The following RREB1 variants were observed in gnomAD, a reference collection of about 807,000 sequenced individuals.
RREB1 encodes ras responsive element binding protein 1.
Under a neutral mutation model 117.8 loss-of-function variants are expected in RREB1, and 27 were observed. That is an observed-to-expected ratio of 0.23 (90% CI 0.17 to 0.32). The LOEUF (loss-of-function observed/expected upper bound fraction) is 0.32. RREB1 is among the 10% of genes least tolerant of loss of function. RREB1 has a pLI of 1.00. For synonymous variants in RREB1, 1,298 were observed against 1,026.7 expected, an observed-to-expected ratio of 1.26 and a Z score of -5.05; for missense variants, 2,577 against 2,378.2, an observed-to-expected ratio of 1.08 and a Z score of -1.74.
intron 8 of RREB1, chr6:7,213,480 C>T (rs1011463392): frequency 2.0e-5 from 3 of 152,222 alleles, no homozygotes; most frequent in Admixed American, 1.3e-4. Context: ...AAGCCTGCCT[C>T]TTAACAGTTG....
chr6:7,127,163 C>A (rs1480702137), intron 1 of RREB1, among the ~76,000 whole-genome samples: 4 of 151,370 alleles, frequency 2.6e-5, no homozygotes, highest in African/African-American at 9.7e-5. Flanking sequence ...AAGTGTTGGC[C>A]CTGGAAAAAT....
At position 7,181,264 on chromosome 6, in the gene RREB1, G is replaced by A. The variant is rs1764779196; in HGVS notation, c.-43+18G>A. ...AAATGGAGGTAATCAGCAGTGTGGC[G>A]GGAGGGTTCTTCTTTCCCTCCTAGG... On this transcript the variant is annotated intron_variant, in intron 3 of 12. Transcript: ENST00000379938. The A allele has an allele frequency of 7.5e-6, 3 of 398,830 alleles. No homozygotes were observed. Among genetic ancestry groups the A allele is most frequent in the Admixed American group, 4.4e-5 (1 of 22,718 alleles). The allele number at this position is 398,830 out of a possible 1,614,324, so 24.7% of individuals were successfully genotyped here.
In RREB1 at chr6:7,110,400, C is replaced by T. The variant is rs148926506; in HGVS notation, c.-285+2340C>T. On this transcript the variant is annotated intron_variant, in intron 1 of 12. Transcript: ENST00000379938. ...TGAGTTTTGTGCTATCTTCAAGAGT[C>T]CACAGAACTTCTGAAGGAATGGGTT... 2.6e-3 allele frequency among the ~76,000 whole-genome samples: 403 copies of T among 152,216 alleles called. 2 individuals are homozygous for T. The highest frequency in any genetic ancestry group is 9.2e-3 in the African/African-American group (383 of 41,544).
intron 8 of RREB1, chr6:7,216,400 A>G (rs1041401816): frequency 6.6e-6 from 1 of 152,178 alleles, no homozygotes; most frequent in Admixed American, 6.5e-5. Flanking sequence ...GACCCTGGTC[A>G]TCTCTGAGTT....
chr6:7,246,674 G>A lies in RREB1; in HGVS notation c.4224G>A (p.Glu1408=). The A allele has an allele frequency of 1.3e-6, 2 of 1,581,986 alleles. No individual in the cohort carries two copies. The highest frequency in any genetic ancestry group is 1.7e-6 in the Non-Finnish European group (2 of 1,164,282). ...ESTGDADGAE[E]DASSNQSLDL... ...CTGGGGACGCCGACGGCGCGGAAGA[G>A]GACGCGTCGAGCAACCAGAGCCTGG... Residue 1408 remains glutamate (E), a synonymous_variant, in exon 12 of 13, where the codon GAG becomes GAA. Transcript: ENST00000379938.
chr6:7,168,462 G>T (rs1764065030), intron 1 of RREB1, among the ~76,000 whole-genome samples: 1 of 152,062 alleles, frequency 6.6e-6, no homozygotes, highest in Non-Finnish European at 1.5e-5. Flanking sequence ...GCCGGACTGG[G>T]GTTTTTTGTT....
In RREB1 at chr6:7,191,561, A is replaced by AT. The variant is rs556279470; in HGVS notation, c.425+2242dup. 3.9e-5 allele frequency among the ~76,000 whole-genome samples: 6 copies of AT among 152,284 alleles called. No homozygotes were observed. In the East Asian group the frequency reaches 1.2e-3, roughly 29 times the overall value. On this transcript the variant is annotated intron_variant, in intron 6 of 12. Transcript: ENST00000379938. ...TGCCAAACTGTTGTTAAAACTTTCAATTTGGGGGTATTGCCATCATAACAA... is the reference window on the plus strand; with the variant it reads ...TGCCAAACTGTTGTTAAAACTTTCAATTTTGGGGGTATTGCCATCATAACAA...
At chr6:7,167,485 C>A (rs13220393) in intron 1 of RREB1, among the ~76,000 whole-genome samples, 10 of 151,948 alleles carry the variant, frequency 6.6e-5, no homozygotes, top group Admixed American at 3.9e-4. Flanking sequence ...TCCTGAGTAG[C>A]TGGGATTACA....
chr6:7,197,779 A>G (rs1765744327), intron 6 of RREB1, among the ~76,000 whole-genome samples: 1 of 152,148 alleles, frequency 6.6e-6, no homozygotes, highest in Non-Finnish European at 1.5e-5. Flanking sequence ...CAAGTATGGG[A>G]GACATAGGCC....
chr6:7,149,029 TCTC>T (rs1349269136), intron 1 of RREB1, among the ~76,000 whole-genome samples: 1 of 152,132 alleles, frequency 6.6e-6, no homozygotes, highest in Non-Finnish European at 1.5e-5. Context: ...TTCAAGCAAT[TCTC>T]CTGTCTCAGC....
At chr6:7,185,828 G>A (rs565448378) in intron 4 of RREB1, among the ~76,000 whole-genome samples, 1 of 152,300 alleles carries the variant, frequency 6.6e-6, no homozygotes, top group South Asian at 2.1e-4. Context: ...AGTGGCTTAG[G>A]GCATGGGCTG....
intron 10 of RREB1, among the ~76,000 whole-genome samples, chr6:7,234,941 C>T (rs1413919137): frequency 1.3e-5 from 2 of 152,216 alleles, no homozygotes; most frequent in African/African-American, 2.4e-5. Context: ...CCTTCCATGT[C>T]TCCCTGTGTT....
intron 4 of RREB1, among the ~76,000 whole-genome samples, chr6:7,182,589 A>G (rs1731286551): frequency 6.6e-6 from 1 of 151,982 alleles, no homozygotes; most frequent in African/African-American, 2.4e-5. Flanking sequence ...AGAACAGGGT[A>G]AAGTAAATAG....
intron 1 of RREB1, among the ~76,000 whole-genome samples, chr6:7,175,077 T>C (rs1177436361): frequency 1.3e-5 from 2 of 152,168 alleles, no homozygotes; most frequent in African/African-American, 4.8e-5. Context: ...CTAATGAAAT[T>C]TGTTATTAAT....
rs368011842 is a variant in RREB1, at chr6:7,230,229, C to T, written c.2130C>T (p.Val710=). The T allele has an allele frequency of 3.7e-6, 6 of 1,604,206 alleles. No homozygotes were observed. The highest frequency in any genetic ancestry group is 1.6e-4 in the Middle Eastern group (1 of 6,084). ...AGATCTGCCACTACCCCTTCACTGT[C>T]AAAGCCAACTGCGAGCGGCACCTGC... ...ICKICHYPFT[V]KANCERHLRK... The change falls in exon 10 of 13, where the codon GTC becomes GTT. Residue 710 remains valine, a synonymous_variant. Transcript: ENST00000379938.
intron 10 of RREB1, among the ~76,000 whole-genome samples, chr6:7,238,339 G>C (rs975767747): frequency 1.3e-5 from 2 of 152,184 alleles, no homozygotes; most frequent in Non-Finnish European, 2.9e-5. Context: ...CCAGGCTCAA[G>C]CAATCCTCCC....
Position 7,231,062 on chromosome 6 carries a change from TCC to T in RREB1, c.2964_2965del (p.Leu989GlyfsTer108). 6.2e-7 allele frequency: 1 copy of T among 1,613,208 alleles called. No individual in the cohort carries two copies. The highest frequency in any genetic ancestry group is 8.5e-7 in the Non-Finnish European group (1 of 1,179,868). On this transcript the variant is annotated frameshift_variant, in exon 10 of 13. Transcript: ENST00000379938. LOFTEE classifies it high-confidence loss of function. The stretch of plus-strand genomic sequence containing the variant: ...CCTGTAACTTTGGGGCCCAGCGGAA[TCC>T]TGGAAAGCCCCATGGCCCCTGCTCC...
chr6:7,245,952 G>C (rs1244856989), intron 11 of RREB1, among the ~76,000 whole-genome samples: 1 of 152,220 alleles, frequency 6.6e-6, no homozygotes, highest in Non-Finnish European at 1.5e-5. Context: ...AACTCATCAA[G>C]ACCATGCTTT....
chr6:7,151,314 G>A (rs1366512394), intron 1 of RREB1, among the ~76,000 whole-genome samples: 2 of 152,244 alleles, frequency 1.3e-5, no homozygotes, highest in South Asian at 2.1e-4. Context: ...GGTTGTTGGA[G>A]GATTGAAATG....
Sources: gnomAD v4.1 joint callset for allele counts (sites outside exome capture counted in the v4.1 genomes callset) on GRCh38, gnomAD v4.1.1 for gene constraint, MANE v1.5 for transcripts, NCBI Gene and HGNC (gene_info 2026-07-23, HGNC 2026-07-21) for gene names.